The following RELL1 variants were observed in gnomAD, a reference collection of about 807,000 sequenced individuals.
The protein encoded by RELL1 is RELT like 1, also known as RELT-like protein 1.
In RELL1, 10 loss-of-function variants were observed where a neutral mutation model predicts 23.0. That is an observed-to-expected ratio of 0.43 (90% CI 0.27 to 0.74). RELL1 has a LOEUF of 0.74. Among genes scored for constraint, RELL1 ranks in the 30% least tolerant of loss-of-function variants. RELL1 has a pLI of 0.19. For missense variants in RELL1, 315 were observed against 364.4 expected (o/e 0.86, Z 1.10); for synonymous variants, 146 against 146.8 (o/e 0.99, Z 0.04).
At chr4:37,589,761 A>C (rs1718502977), downstream of RELL1, among the ~76,000 whole-genome samples, 1 of 152,116 alleles carries the variant, frequency 6.6e-6, no homozygotes, top group Non-Finnish European at 1.5e-5. Context: ...CCTCCCGAGT[A>C]GCTGGGATTA....
In RELL1 at chr4:37,649,257, AAG is replaced by A; in HGVS notation, c.313+17_313+18del. The A allele has an allele frequency of 6.3e-7, 1 of 1,595,594 alleles. No individual in the cohort carries two copies. Among genetic ancestry groups the A allele is most frequent in the Non-Finnish European group, 8.6e-7 (1 of 1,165,110 alleles). On this transcript the variant is annotated intron_variant, in intron 2 of 6. Coordinates refer to ENST00000454158, the MANE Select transcript of RELL1 (RefSeq NM_001085400.2). ...AAACTGTCTCCTCACCCCCAATAAAAAGAGCCCTGGTTATTTACCTATCTTTT... is the reference window on the plus strand; with the variant it reads ...AAACTGTCTCCTCACCCCCAATAAAAAGCCCTGGTTATTTACCTATCTTTT...
chr4:37,668,262 C>G (rs1303819272), intron 1 of RELL1, among the ~76,000 whole-genome samples: 6 of 141,602 alleles, frequency 4.2e-5, no homozygotes, highest in African/African-American at 1.3e-4. Context: ...CCCTCTGATA[C>G]CGAGCCGAAG....
chr4:37,641,568 C>T (rs1014588907), intron 3 of RELL1, among the ~76,000 whole-genome samples: 3 of 152,190 alleles, frequency 2.0e-5, no homozygotes, highest in African/African-American at 7.2e-5. Flanking sequence ...CTTCCTTTCC[C>T]CACCTTCCCC....
At chr4:37,598,078 A>ATATATATAT (rs1553870664) in intron 6 of RELL1, among the ~76,000 whole-genome samples, 1 of 126,752 alleles carries the variant, frequency 7.9e-6, no homozygotes, top group African/African-American at 2.9e-5. Flanking sequence ...TATATATCAT[A>ATATATATAT]ATATATATAT....
chr4:37,654,971 A>G (rs1463451698), intron 1 of RELL1, among the ~76,000 whole-genome samples: 1 of 152,224 alleles, frequency 6.6e-6, no homozygotes, highest in African/African-American at 2.4e-5. Flanking sequence ...ATACTTTTCT[A>G]TAACTTTCTA....
intron 6 of RELL1, among the ~76,000 whole-genome samples, chr4:37,598,252 CAAAAAAAAAAAAAAA>C (rs56142508): frequency 0.01 from 115 of 11,342 alleles, 4 homozygotes; most frequent in Middle Eastern, 0.2. Flanking sequence ...AACTCTGTCT[CAAAAAAAAAAAAAAA>C]AAAAAAAAAA....
At chr4:37,685,826 G>A (rs1478664396) in intron 1 of RELL1, among the ~76,000 whole-genome samples, 2 of 152,270 alleles carry the variant, frequency 1.3e-5, no homozygotes, top group African/African-American at 4.8e-5. Flanking sequence ...TCCGCTCGCG[G>A]CGCCTTTGAG....
chr4:37,605,178 T>C (rs1012795350), intron 6 of RELL1, among the ~76,000 whole-genome samples: 2 of 152,080 alleles, frequency 1.3e-5, no homozygotes, highest in African/African-American at 4.8e-5. Flanking sequence ...AGTAGCAGTG[T>C]GGGCACATGC....
chr4:37,635,602 G>T, intron 4 of RELL1, among the ~76,000 whole-genome samples: 1 of 152,152 alleles, frequency 6.6e-6, no homozygotes, highest in Non-Finnish European at 1.5e-5. Context: ...CTCCAGCCTG[G>T]ATGACAGAGT....
chr4:37,623,292 A>C (rs1021651331), intron 6 of RELL1: 1 of 160,288 alleles, frequency 6.2e-6, no homozygotes, highest in African/African-American at 2.4e-5. Flanking sequence ...ATCGGATGCC[A>C]AGGAGGCCAT....
chr4:37,651,202 T>C (rs752897344), intron 1 of RELL1, among the ~76,000 whole-genome samples: 4 of 152,146 alleles, frequency 2.6e-5, no homozygotes, highest in African/African-American at 9.7e-5. Flanking sequence ...ATGCCTATAA[T>C]CCCAACACTT....
chr4:37,670,075 GA>G (rs1461596790), intron 1 of RELL1, among the ~76,000 whole-genome samples: 1 of 144,742 alleles, frequency 6.9e-6, no homozygotes. Flanking sequence ...AAAAAAGAAA[GA>G]AAAAAAGGAA....
chr4:37,676,397 C>T (rs1722025643), intron 1 of RELL1, among the ~76,000 whole-genome samples: 1 of 152,084 alleles, frequency 6.6e-6, no homozygotes, highest in Admixed American at 6.5e-5. Flanking sequence ...ACTATAAAAT[C>T]AGGAATATGA....
At chr4:37,659,011 C>T (rs1284019177) in intron 1 of RELL1, among the ~76,000 whole-genome samples, 1 of 152,208 alleles carries the variant, frequency 6.6e-6, no homozygotes, top group Non-Finnish European at 1.5e-5. Context: ...CAGGTCATAA[C>T]CTGGGATCCC....
At chr4:37,623,094 C>T (rs892486273) in intron 6 of RELL1, 21 of 319,144 alleles carry the variant, frequency 6.6e-5, no homozygotes, top group African/African-American at 1.6e-4. Context: ...TGAGCCACCG[C>T]ACCCGGCCAA....
At chr4:37,659,612 T>C (rs1318886528) in intron 1 of RELL1, among the ~76,000 whole-genome samples, 2 of 152,170 alleles carry the variant, frequency 1.3e-5, no homozygotes, top group South Asian at 4.1e-4. Flanking sequence ...GCTACCTCTG[T>C]GATACTGAAC....
At chr4:37,637,875 G>A (rs1395986286) in intron 4 of RELL1, among the ~76,000 whole-genome samples, 1 of 152,198 alleles carries the variant, frequency 6.6e-6, no homozygotes, top group East Asian at 1.9e-4. Flanking sequence ...AAACCAGCTT[G>A]TTCATTTAAT....
chr4:37,651,337 G>A (rs928026915), intron 1 of RELL1, among the ~76,000 whole-genome samples: 2 of 152,078 alleles, frequency 1.3e-5, no homozygotes, highest in African/African-American at 4.8e-5. Context: ...ATGAAGAGGG[G>A]AGTCAGGTAG....
intron 1 of RELL1, among the ~76,000 whole-genome samples, chr4:37,655,075 T>C (rs1220315277): frequency 6.6e-6 from 1 of 152,148 alleles, no homozygotes; most frequent in Non-Finnish European, 1.5e-5. Flanking sequence ...CACAAACCCC[T>C]TTGTGAGGTC....
Sources: allele counts gnomAD v4.1 joint callset (sites outside exome capture counted in the v4.1 genomes callset), GRCh38; gene constraint gnomAD v4.1.1; transcripts MANE v1.5; gene names NCBI Gene and HGNC (gene_info 2026-07-23, HGNC 2026-07-21).